NSMCE2: variants seen among roughly 807,000 people sequenced by gnomAD.
The protein encoded by NSMCE2 is NSE2 SUMO ligase component of SMC5/6 complex, also known as E3 SUMO-protein ligase NSE2.
NSMCE2 carries 24 observed loss-of-function variants against 23.8 expected under a neutral mutation model. That is an observed-to-expected ratio of 1.01 (90% CI 0.73 to 1.42). NSMCE2 has a LOEUF of 1.42. Ranked by LOEUF, NSMCE2 falls within the 40% of genes most tolerant of loss-of-function variation. The pLI is 0.00. For synonymous variants in NSMCE2, 92 were observed against 94.1 expected, an observed-to-expected ratio of 0.98 and a Z score of 0.13; for missense variants, 284 against 296.5, an observed-to-expected ratio of 0.96 and a Z score of 0.31.
At chr8:125,282,279 A>G (rs924010438) in intron 5 of NSMCE2, among the ~76,000 whole-genome samples, 1 of 151,892 alleles carries the variant, frequency 6.6e-6, no homozygotes, top group Non-Finnish European at 1.5e-5. Flanking sequence ...ACACCCAGCA[A>G]ATTTTTGTAT....
rs1169058625 is a variant in NSMCE2, at chr8:125,256,948, AAAAAAAAAAAAG to A, written c.418+74694_418+74705del. On this transcript the variant is annotated intron_variant, in intron 5 of 7. Coordinates refer to ENST00000287437, the MANE Select transcript of NSMCE2 (RefSeq NM_173685.4). ...AAAAAAAAAAAAAAAAAAAAAAAAA[AAAAAAAAAAAAG>A]AGGGCTGAAGGTGAAACTCTGGGAG... Among the ~76,000 whole-genome samples the A allele has an allele frequency of 2.0e-3, 289 of 141,360 alleles. 16 individuals carry two copies. The South Asian group carries it at 0.03, about 15-fold the overall frequency. 92.7% of individuals were successfully genotyped at this position (141,360 alleles called of 152,430 possible).
At chr8:125,236,416 AGTAT>A (rs1825554757) in intron 5 of NSMCE2, among the ~76,000 whole-genome samples, 1 of 152,110 alleles carries the variant, frequency 6.6e-6, no homozygotes, top group South Asian at 2.1e-4. Flanking sequence ...CATGTAAATG[AGTAT>A]GTGTGTGTGT....
intron 5 of NSMCE2, among the ~76,000 whole-genome samples, chr8:125,318,793 G>C (rs1586761427): frequency 6.6e-6 from 1 of 152,184 alleles, no homozygotes; most frequent in South Asian, 2.1e-4. Context: ...GCTTGTTCCA[G>C]CTTACTATTG....
intron 5 of NSMCE2, among the ~76,000 whole-genome samples, chr8:125,261,061 A>G (rs955750758): frequency 6.6e-6 from 1 of 152,200 alleles, no homozygotes; most frequent in Non-Finnish European, 1.5e-5. Context: ...AAGCCTCGAT[A>G]TTTACATTTC....
intron 5 of NSMCE2, among the ~76,000 whole-genome samples, chr8:125,296,768 A>T (rs1828346042): frequency 6.6e-6 from 1 of 152,178 alleles, no homozygotes; most frequent in African/African-American, 2.4e-5. Context: ...CAAACATAAG[A>T]CAATAACTGC....
In NSMCE2 at chr8:125,204,521, G is replaced by T. The variant is rs191745565; in HGVS notation, c.418+22265G>T. 1.6e-3 allele frequency among the ~76,000 whole-genome samples: 246 copies of T among 152,252 alleles called. 1 individual carries two copies. Among genetic ancestry groups the T allele is most frequent in the African/African-American group, 5.7e-3 (238 of 41,538 alleles). On this transcript the variant is annotated intron_variant, in intron 5 of 7. Transcript: ENST00000287437. ...ACCTCCATCTTTCCTTTATATGGAA[G>T]CATTAATTTTTCCCCGTACACAAAG... is the stretch of plus-strand genomic sequence containing the variant.
chr8:125,338,792 A>C (rs183963738), intron 5 of NSMCE2, among the ~76,000 whole-genome samples: 2 of 152,350 alleles, frequency 1.3e-5, no homozygotes, highest in African/African-American at 4.8e-5. Flanking sequence ...AGTAATAAAT[A>C]TGGTATGCAT....
intron 4 of NSMCE2, among the ~76,000 whole-genome samples, chr8:125,176,801 GC>G: frequency 6.6e-6 from 1 of 152,330 alleles, no homozygotes; most frequent in East Asian, 1.9e-4. Flanking sequence ...GCCTGGGCTT[GC>G]CTTCTTACCT....
chr8:125,265,243 C>T (rs865894116), intron 5 of NSMCE2, among the ~76,000 whole-genome samples: 149 of 143,246 alleles, frequency 1.0e-3, no homozygotes, highest in African/African-American at 3.7e-3. Context: ...CTTTTTGAAA[C>T]GGAGTTTCAC....
chr8:125,259,645 A>C (rs1826600039), intron 5 of NSMCE2, among the ~76,000 whole-genome samples: 1 of 152,226 alleles, frequency 6.6e-6, no homozygotes, highest in South Asian at 2.1e-4. Context: ...TGGAACAGCA[A>C]CATCTTACCC....
At chr8:125,236,812 TCTTTC>T (rs1825575395) in intron 5 of NSMCE2, among the ~76,000 whole-genome samples, 1 of 151,944 alleles carries the variant, frequency 6.6e-6, no homozygotes, top group African/African-American at 2.4e-5. Context: ...TTCTTTTCTT[TCTTTC>T]TTTTTTTTTT....
chr8:125,177,173 T>A (rs572670053), intron 4 of NSMCE2, among the ~76,000 whole-genome samples: 11 of 152,346 alleles, frequency 7.2e-5, no homozygotes, highest in African/African-American at 2.4e-4. Context: ...AAGTTTTTGA[T>A]CATTTACTAT....
chr8:125,264,724 A>G (rs1167406732), intron 5 of NSMCE2, among the ~76,000 whole-genome samples: 1 of 152,160 alleles, frequency 6.6e-6, no homozygotes, highest in African/African-American at 2.4e-5. Flanking sequence ...ATCACAGGGT[A>G]GGAGAGAAAA....
intron 5 of NSMCE2, among the ~76,000 whole-genome samples, chr8:125,308,943 A>G (rs995562855): frequency 6.6e-6 from 1 of 152,236 alleles, no homozygotes; most frequent in Non-Finnish European, 1.5e-5. Flanking sequence ...GCAGCTGTCC[A>G]TGAAAGAATT....
At chr8:125,236,040 G>C (rs1215361811) in intron 5 of NSMCE2, among the ~76,000 whole-genome samples, 1 of 152,172 alleles carries the variant, frequency 6.6e-6, no homozygotes, top group Admixed American at 6.5e-5. Flanking sequence ...AATTGAAACT[G>C]TTGAGTATGT....
At chr8:125,222,006 T>A (rs1824884065) in intron 5 of NSMCE2, among the ~76,000 whole-genome samples, 1 of 152,148 alleles carries the variant, frequency 6.6e-6, no homozygotes, top group South Asian at 2.1e-4. Flanking sequence ...TTCACCTTAT[T>A]TGGCCTGGAA....
At chr8:125,212,561 G>T (rs368237634) in intron 5 of NSMCE2, among the ~76,000 whole-genome samples, 2 of 152,278 alleles carry the variant, frequency 1.3e-5, no homozygotes, top group East Asian at 3.9e-4. Flanking sequence ...GTTCAGGTAC[G>T]TGTTCAGTAC....
intron 3 of NSMCE2, among the ~76,000 whole-genome samples, chr8:125,129,194 A>C (rs1819642147): frequency 6.6e-6 from 1 of 152,160 alleles, no homozygotes; most frequent in South Asian, 2.1e-4. Context: ...AATGACAAGA[A>C]GGCCCGGGCC....
intron 3 of NSMCE2, among the ~76,000 whole-genome samples, chr8:125,147,017 C>T (rs1429739206): frequency 2.6e-5 from 4 of 152,226 alleles, no homozygotes; most frequent in African/African-American, 7.2e-5. Flanking sequence ...ATTATATATA[C>T]ATATATAATC....
Sources: gnomAD v4.1 joint callset for allele counts (sites outside exome capture counted in the v4.1 genomes callset) on GRCh38, gnomAD v4.1.1 for gene constraint, MANE v1.5 for transcripts, NCBI Gene and HGNC (gene_info 2026-07-23, HGNC 2026-07-21) for gene names.